The following CSKMT variants were observed in gnomAD, a reference collection of about 807,000 sequenced individuals.
CSKMT encodes citrate synthase lysine methyltransferase.
Under a neutral mutation model 4.6 loss-of-function variants are expected in CSKMT, and 6 were observed. That is an observed-to-expected ratio of 1.31 (90% CI 0.72 to 2.59). The LOEUF is 2.59. CSKMT is among the 30% of genes most tolerant of loss of function. The pLI, the probability that CSKMT is intolerant of heterozygous loss-of-function variation, is 0.00. For missense variants in CSKMT, 328 were observed against 298.0 expected (o/e 1.10, Z -0.74); for synonymous variants, 142 against 128.9 (o/e 1.10, Z -0.69).
In CSKMT at chr11:62,667,810, GC is replaced by G; in HGVS notation, c.*761del. 1 of 1,201,776 alleles carries G rather than the reference GC, an allele frequency of 8.3e-7. No homozygotes were observed. The highest frequency in any genetic ancestry group is 1.2e-6 in the Non-Finnish European group (1 of 829,818). 74.4% of individuals were successfully genotyped at this position (1,201,776 alleles called of 1,614,324 possible). A position where few individuals can be genotyped will look rare whatever the true frequency, so the allele number is the denominator to read the frequency against. ...ATATATTATCAAATTACAAAACTAG[GC>G]CAGGCATGCTGGCTCATACCTATAA... is the stretch of plus-strand genomic sequence containing the variant. On this transcript the variant is annotated 3_prime_UTR_variant, in exon 3 of 3. Transcript: ENST00000532971.
At position 62,667,043 on chromosome 11, in the gene CSKMT, T is replaced by C. The variant is rs753575721; in HGVS notation, c.715T>C (p.Ser239Pro). The change falls in exon 3 of 3, where the codon TCT becomes CCT. Residue 239 changes from serine (S) to proline (P), a missense_variant. Ser to Pro is a moderately conservative substitution (Grantham distance 74, BLOSUM62 -1). Transcript: ENST00000532971. ...ITYFAYLIQG[S>P]H ...CTACTTTGCTTACTTGATTCAAGGC[T>C]CTCATTAAAGACATTTTAGTAGTCC... is the stretch of plus-strand genomic sequence containing the variant. 12 of 1,598,322 alleles carry C rather than the reference T, an allele frequency of 7.5e-6. No homozygotes were observed. Among genetic ancestry groups the C allele is most frequent in the Non-Finnish European group, 1.0e-5 (12 of 1,172,390 alleles).
chr11:62,667,228 G>T lies in CSKMT; in HGVS notation c.*177G>T. 1.5e-6 allele frequency: 1 copy of T among 677,324 alleles called. No individual in the cohort carries two copies. Among genetic ancestry groups the T allele is most frequent in the Non-Finnish European group, 2.5e-6 (1 of 404,470 alleles). The allele number at this position is 677,324 out of a possible 1,614,324, so 42.0% of individuals were successfully genotyped here. A position where few individuals can be genotyped will look rare whatever the true frequency, so the allele number is the denominator to read the frequency against. ...CCCAGTTTACTCATCTGCAGAGTGA[G>T]AATAACTTGGAGTTACGGAGATTAC... is the stretch of plus-strand genomic sequence containing the variant. On this transcript the variant is annotated 3_prime_UTR_variant, in exon 3 of 3. Transcript: ENST00000532971.
In CSKMT at chr11:62,666,502, C is replaced by T. The variant is rs570436114; in HGVS notation, c.174C>T (p.Asp58=). 2.5e-6 allele frequency: 4 copies of T among 1,614,088 alleles called. No individual in the cohort carries two copies. In the East Asian group the frequency reaches 6.7e-5, roughly 27 times the overall value. ...VPTFDWFFGY[D]EVQGLLLPLL... ...CCTTCGACTGGTTCTTTGGATACGACGAAGTCCAGGGGCTCCTACTGCCAT... is the reference window on the plus strand; with the variant it reads ...CCTTCGACTGGTTCTTTGGATACGATGAAGTCCAGGGGCTCCTACTGCCAT... Residue 58 remains aspartate (D), a synonymous_variant, in exon 3 of 3, where the codon GAC becomes GAT. Coordinates refer to ENST00000532971, the MANE Select transcript of CSKMT (RefSeq NM_001043229.2).
In CSKMT at chr11:62,666,875, G is replaced by T; in HGVS notation, c.547G>T (p.Glu183Ter). ...GLPRAYQLLS[E>*]CLRVLNPQGT... ...GCCTAGGGCTTACCAGCTTCTATCA[G>T]AATGCTTGAGGGTTCTAAACCCTCA... The change falls in exon 3 of 3, where the codon GAA becomes TAA. Residue 183 changes from glutamate (E) to a stop codon, truncating the protein, a stop_gained. Coordinates refer to ENST00000532971, the MANE Select transcript of CSKMT (RefSeq NM_001043229.2). LOFTEE classifies it high-confidence loss of function. 6.2e-7 allele frequency: 1 copy of T among 1,614,182 alleles called. No homozygotes were observed. Among genetic ancestry groups the T allele is most frequent in the South Asian group, 1.1e-5 (1 of 91,084 alleles).
In CSKMT at chr11:62,667,479, A is replaced by G. The variant is rs1290267657; in HGVS notation, c.*428A>G. Reference sequence around the variant, plus strand: ...TAAGAGGATGGGTATAAGGAGCTTCATAAACCTGGATGAGATATTTGAGGG... The same window carrying G: ...TAAGAGGATGGGTATAAGGAGCTTCGTAAACCTGGATGAGATATTTGAGGG... On this transcript the variant is annotated 3_prime_UTR_variant, in exon 3 of 3. Coordinates refer to ENST00000532971, the MANE Select transcript of CSKMT (RefSeq NM_001043229.2). The G allele has an allele frequency of 1.3e-6, 2 of 1,594,068 alleles. No individual in the cohort carries two copies. The highest frequency in any genetic ancestry group is 4.5e-5 in the East Asian group (2 of 44,778).
At position 62,666,069 on chromosome 11, in the gene CSKMT, C is replaced by G. The variant is rs190646676; in HGVS notation, c.67+123C>G. 1.6e-4 allele frequency: 182 copies of G among 1,149,670 alleles called. No homozygotes were observed. The African/African-American group carries it at 2.5e-3, about 16-fold the overall frequency. The allele number at this position is 1,149,670 out of a possible 1,614,324, so 71.2% of individuals were successfully genotyped here. On this transcript the variant is annotated intron_variant, in intron 2 of 2. Coordinates refer to ENST00000532971, the MANE Select transcript of CSKMT (RefSeq NM_001043229.2). ...GTGATTCTCAAACCCTACGGTGGGC[C>G]GTGCGTGGTGGCTCACGGCTGTAAT...
At chr11:62,666,230 G>A in intron 2 of CSKMT, 166 bp from the exon 3 acceptor site, 1 of 783,504 alleles carries the variant, frequency 1.3e-6, no homozygotes, top group South Asian at 1.5e-5. Flanking sequence ...TAGCTACTCA[G>A]GAGGCTGAGG....
At chr11:62,666,302 C>G (rs1565127134) in intron 2 of CSKMT, 94 bp from the exon 3 acceptor site, 1 of 1,310,372 alleles carries the variant, frequency 7.6e-7, no homozygotes, top group East Asian at 2.3e-5. Context: ...AGAGTGAGAC[C>G]CTGTCTCAAA....
In CSKMT at chr11:62,665,315, T is replaced by A; in HGVS notation, c.-251T>A. 1 of 729,360 alleles carries A rather than the reference T, an allele frequency of 1.4e-6. No homozygotes were observed. Among genetic ancestry groups the A allele is most frequent in the South Asian group, 1.6e-5 (1 of 61,086 alleles). 45.2% of individuals were successfully genotyped at this position (729,360 alleles called of 1,614,324 possible). A position where few individuals can be genotyped will look rare whatever the true frequency, so the allele number is the denominator to read the frequency against. On this transcript the variant is annotated 5_prime_UTR_variant, in exon 1 of 3. Transcript: ENST00000532971. ...GGAGCTCCGCGGTGCGGGAGGCCTT[T>A]CGGAGGGTGGTGAGCTAGTAAGTGT...
At position 62,666,753 on chromosome 11, in the gene CSKMT, A is replaced by T. The variant is rs118053937; in HGVS notation, c.425A>T (p.His142Leu). Reference sequence around the variant, plus strand: ...CCTGCCTCAAGCCTCCACTTCATGCACGCCGATGCTCAGAACCTGGGGGCT... The same window carrying T: ...CCTGCCTCAAGCCTCCACTTCATGCTCGCCGATGCTCAGAACCTGGGGGCT... Reference protein sequence around the residue: ...GHPASSLHFMHADAQNLGAVA... With the variant: ...GHPASSLHFMLADAQNLGAVA... Residue 142 changes from histidine (H) to leucine (L), a missense_variant, in exon 3 of 3, where the codon CAC (histidine) becomes CTC (leucine). Transcript: ENST00000532971. The T allele has an allele frequency of 1.4e-4, 228 of 1,614,164 alleles. 1 individual carries two copies. In the East Asian group the frequency reaches 4.2e-3, roughly 30 times the overall value.
In CSKMT at chr11:62,665,676, T is replaced by G. The variant is rs911041727; in HGVS notation, c.-204T>G. On this transcript the variant is annotated 5_prime_UTR_variant, in exon 2 of 3. Coordinates refer to ENST00000532971, the MANE Select transcript of CSKMT (RefSeq NM_001043229.2). ...GCGGACGCTGTATACCCTCCTCCAC[T>G]TCCCGCTGCAGCCAATAAAGGCCGT... 6.8e-7 allele frequency: 1 copy of G among 1,461,660 alleles called. No homozygotes were observed. The highest frequency in any genetic ancestry group is 1.4e-5 in the African/African-American group (1 of 70,872). 90.5% of individuals were successfully genotyped at this position (1,461,660 alleles called of 1,614,324 possible). A position where few individuals can be genotyped will look rare whatever the true frequency, so the allele number is the denominator to read the frequency against.
chr11:62,665,327 G>C lies in CSKMT; in HGVS notation c.-239G>C. On this transcript the variant is annotated 5_prime_UTR_variant, in exon 1 of 3. Transcript: ENST00000532971. The stretch of plus-strand genomic sequence containing the variant: ...TGCGGGAGGCCTTTCGGAGGGTGGT[G>C]AGCTAGTAAGTGTGGTTTTAGCTGT... 1.4e-6 allele frequency: 1 copy of C among 738,324 alleles called. No individual in the cohort carries two copies. The highest frequency in any genetic ancestry group is 1.6e-5 in the South Asian group (1 of 61,228). 45.7% of individuals were successfully genotyped at this position (738,324 alleles called of 1,614,324 possible).
In CSKMT at chr11:62,667,506, G is replaced by A. The variant is rs1489276497; in HGVS notation, c.*455G>A. ...AAACCTGGATGAGATATTTGAGGGG[G>A]AGGGAACAATACTTACCCTCAAAGC... On this transcript the variant is annotated 3_prime_UTR_variant, in exon 3 of 3. Coordinates refer to ENST00000532971, the MANE Select transcript of CSKMT (RefSeq NM_001043229.2). 37 of 1,606,892 alleles carry A rather than the reference G, an allele frequency of 2.3e-5. No homozygotes were observed. The highest frequency in any genetic ancestry group is 3.1e-5 in the Non-Finnish European group (36 of 1,173,468).
At position 62,666,911 on chromosome 11, in the gene CSKMT, A is replaced by T. The variant is rs201310123; in HGVS notation, c.583A>T (p.Ile195Phe). The T allele has an allele frequency of 3.7e-4, 591 of 1,613,826 alleles. 2 individuals are homozygous for T. The highest frequency in any genetic ancestry group is 2.0e-4 in the Non-Finnish European group (238 of 1,179,990). The change falls in exon 3 of 3, where the codon ATT becomes TTT. Residue 195 changes from isoleucine to phenylalanine, a missense_variant. Physicochemically the swap from Ile to Phe is conservative, Grantham distance 21 (BLOSUM62 0). Transcript: ENST00000532971. ...LRVLNPQGTL[I>F]QFSDEDPDVR... ...GGTTCTAAACCCTCAGGGGACCCTG[A>T]TTCAGTTCTCAGATGAGGACCCTGA...
chr11:62,665,735 C>T lies in CSKMT; in HGVS notation c.-145C>T, dbSNP rs574869674. On this transcript the variant is annotated 5_prime_UTR_variant, in exon 2 of 3. Transcript: ENST00000532971. The stretch of plus-strand genomic sequence containing the variant: ...TAGTCTGTGTCCGCGTTCTTTTTTC[C>T]GGGACTGCAGAGTTCGGGGAAGCTG... 47 of 1,466,982 alleles carry T rather than the reference C, an allele frequency of 3.2e-5. No homozygotes were observed. In the Middle Eastern group the frequency reaches 5.4e-4, roughly 17 times the overall value. 90.9% of individuals were successfully genotyped at this position (1,466,982 alleles called of 1,614,324 possible). A position where few individuals can be genotyped will look rare whatever the true frequency, so the allele number is the denominator to read the frequency against.
chr11:62,666,598 T>C lies in CSKMT; in HGVS notation c.270T>C (p.Cys90=). Residue 90 remains cysteine (C), a synonymous_variant, in exon 3 of 3, where the codon TGT becomes TGC. Transcript: ENST00000532971. ...LDVGCGTSSL[C]TGLYTKSPHP... ...TGGGCTGTGGGACTTCCAGCCTATG[T>C]ACAGGCCTCTACACCAAATCTCCAC... The C allele has an allele frequency of 6.2e-7, 1 of 1,614,146 alleles. No individual in the cohort carries two copies. Among genetic ancestry groups the C allele is most frequent in the Non-Finnish European group, 8.5e-7 (1 of 1,180,020 alleles).
chr11:62,665,348 G>C lies in CSKMT; in HGVS notation c.-234+16G>C. ...TGGTGAGCTAGTAAGTGTGGTTTTA[G>C]CTGTAGTAGCCAGATTGGGCGGCCG... On this transcript the variant is annotated intron_variant, in intron 1 of 2. Transcript: ENST00000532971. 1.2e-6 allele frequency: 1 copy of C among 816,364 alleles called. No individual in the cohort carries two copies. The allele number at this position is 816,364 out of a possible 1,614,324, so 50.6% of individuals were successfully genotyped here.
rs527424664 is a variant in CSKMT at position 62,667,531 on chromosome 11, C to G, written c.*480C>G. On this transcript the variant is annotated 3_prime_UTR_variant, in exon 3 of 3. Transcript: ENST00000532971. ...GAGGGAACAATACTTACCCTCAAAGCTATTAGGAGGCAGGAGATGGGAATA... is the reference window on the plus strand; with the variant it reads ...GAGGGAACAATACTTACCCTCAAAGGTATTAGGAGGCAGGAGATGGGAATA... 119 of 1,613,646 alleles carry G rather than the reference C, an allele frequency of 7.4e-5. No homozygotes were observed. The highest frequency in any genetic ancestry group is 9.4e-5 in the Non-Finnish European group (111 of 1,179,760).
rs1389513120 is a variant in CSKMT at position 62,668,045 on chromosome 11, A to C, written c.*994A>C. ...GATAAGCTGCTGCACTTGAGCTAAAAATTAATTTCTGTGGTATTTTTTGCT... is the reference window on the plus strand; with the variant it reads ...GATAAGCTGCTGCACTTGAGCTAAACATTAATTTCTGTGGTATTTTTTGCT... On this transcript the variant is annotated 3_prime_UTR_variant, in exon 3 of 3. Coordinates refer to ENST00000532971, the MANE Select transcript of CSKMT (RefSeq NM_001043229.2). 3.7e-6 allele frequency: 1 copy of C among 270,060 alleles called. No individual in the cohort carries two copies. Among genetic ancestry groups the C allele is most frequent in the Admixed American group, 4.7e-5 (1 of 21,176 alleles). The allele number at this position is 270,060 out of a possible 1,614,324, so 16.7% of individuals were successfully genotyped here.
Sources: gnomAD v4.1 joint callset for allele counts on GRCh38, gnomAD v4.1.1 for gene constraint, MANE v1.5 for transcripts, NCBI Gene and HGNC (gene_info 2026-07-23, HGNC 2026-07-21) for gene names.